Variants in CNKSR3 observed in about 807,000 individuals in gnomAD.
The protein encoded by CNKSR3 is CNKSR family member 3.
A neutral mutation model predicts 67.7 loss-of-function variants in CNKSR3; 36 were observed. The ratio of observed to expected loss-of-function variants is 0.53; its 90% CI spans 0.41 to 0.70. The LOEUF (loss-of-function observed/expected upper bound fraction) is 0.70. Among genes scored for constraint, CNKSR3 ranks in the 30% least tolerant of loss-of-function variants. The pLI, the probability that CNKSR3 is intolerant of heterozygous loss-of-function variation, is 0.00. For missense variants in CNKSR3, 630 were observed against 695.2 expected, an observed-to-expected ratio of 0.91 and a Z score of 1.05; for synonymous variants, 281 against 271.4, an observed-to-expected ratio of 1.04 and a Z score of -0.35.
At chr6:154,419,014 A>G (rs1584061169) in intron 9 of CNKSR3, among the ~76,000 whole-genome samples, 1 of 148,810 alleles carries the variant, frequency 6.7e-6, no homozygotes, top group East Asian at 2.0e-4. Flanking sequence ...AAGGACCTGA[A>G]TTGACATTAC....
rs2128709344 is a variant in CNKSR3, at chr6:154,401,660, G to GC, written c.*4693dup. On this transcript the variant is annotated 3_prime_UTR_variant, in exon 13 of 13. Coordinates refer to ENST00000607772, the MANE Select transcript of CNKSR3 (RefSeq NM_173515.4). ...CACAGAATCTCCAAGGAAGTAGCTT[G>GC]CAGTAGTCTCATCCCCACGGAAATG... 6.6e-6 allele frequency: 1 copy of GC among 152,368 alleles called. No individual in the cohort carries two copies. The highest frequency in any genetic ancestry group is 1.9e-4 in the East Asian group (1 of 5,194). 9.4% of individuals were successfully genotyped at this position (152,368 alleles called of 1,614,324 possible). A position where few individuals can be genotyped will look rare whatever the true frequency, so the allele number is the denominator to read the frequency against.
intron 1 of CNKSR3, among the ~76,000 whole-genome samples, chr6:154,452,916 G>T (rs4870289): frequency 0.3 from 45,531 of 152,154 alleles, 6,958 homozygotes; most frequent in South Asian, 0.4. Flanking sequence ...CCAAAATGGT[G>T]ATGAGATAAA....
At chr6:154,480,894 C>T (rs1582894365) in intron 1 of CNKSR3, among the ~76,000 whole-genome samples, 1 of 152,292 alleles carries the variant, frequency 6.6e-6, no homozygotes, top group East Asian at 1.9e-4. Context: ...TATTTGATAG[C>T]AGTCTTATGC....
rs1268634534 is a variant in CNKSR3 at position 154,388,160 on chromosome 6, T to C, written c.*18194A>G. On this transcript the variant is annotated 3_prime_UTR_variant, in exon 13 of 13. Coordinates refer to ENST00000607772, the MANE Select transcript of CNKSR3 (RefSeq NM_173515.4). Reference sequence around the variant, plus strand: ...TCACTGAAACTTTATGCCTATTGATTAGTAACTCCCCACTCCCCTCAGCCC... The same window carrying C: ...TCACTGAAACTTTATGCCTATTGATCAGTAACTCCCCACTCCCCTCAGCCC... The C allele has an allele frequency of 1.3e-5, 2 of 152,162 alleles. No individual in the cohort carries two copies. Among genetic ancestry groups the C allele is most frequent in the South Asian group, 4.1e-4 (2 of 4,836 alleles). 9.4% of individuals were successfully genotyped at this position (152,162 alleles called of 1,614,324 possible).
chr6:154,449,463 T>C (rs930818453), intron 2 of CNKSR3, among the ~76,000 whole-genome samples: 1 of 152,142 alleles, frequency 6.6e-6, no homozygotes, highest in African/African-American at 2.4e-5. Context: ...TCTGCGACTA[T>C]AGGTGCGTGC....
chr6:154,456,639 G>GCAGT (rs1785964692), intron 1 of CNKSR3, among the ~76,000 whole-genome samples: 3 of 143,058 alleles, frequency 2.1e-5, no homozygotes, highest in African/African-American at 7.7e-5. Context: ...CCTGGGAGAT[G>GCAGT]GAGGTTGCAG....
chr6:154,416,725 AC>A (rs1364300809), intron 9 of CNKSR3, among the ~76,000 whole-genome samples: 3 of 151,900 alleles, frequency 2.0e-5, no homozygotes, highest in Admixed American at 6.6e-5. Flanking sequence ...ACACAGAGAA[AC>A]CCCCAGGGCT....
In CNKSR3 at chr6:154,417,113, T is replaced by C. The variant is rs775118090; in HGVS notation, c.946-2690A>G. Reference sequence around the variant, plus strand: ...TCAATTATGCTCAAAATACCTAACATCTCTTCCTTCCAAATGGCCTCTTTT... The same window carrying C: ...TCAATTATGCTCAAAATACCTAACACCTCTTCCTTCCAAATGGCCTCTTTT... On this transcript the variant is annotated intron_variant, in intron 9 of 12. Coordinates refer to ENST00000607772, the MANE Select transcript of CNKSR3 (RefSeq NM_173515.4). 1.4e-3 allele frequency among the ~76,000 whole-genome samples: 211 copies of C among 152,154 alleles called. 2 individuals carry two copies. Among genetic ancestry groups the C allele is most frequent in the Non-Finnish European group, 2.7e-3 (182 of 68,024 alleles).
Position 154,422,949 on chromosome 6 carries a change from C to G in CNKSR3, c.764G>C (p.Gly255Ala), listed in dbSNP as rs1785176495. The part of the protein sequence containing the change: ...PADRSQKIHA[G>A]DEVIQVNQQT... ...CTGATTAACTTGAATGACTTCGTCA[C>G]CAGCATGAATCTTCTGAGATCTGTC... Residue 255 changes from glycine to alanine, a missense_variant, in exon 8 of 13, where the codon GGT becomes GCT. By Grantham distance (60) the Gly-to-Ala change is moderately conservative. This residue lies in a region of CNKSR3 where 133 missense variants were observed against 190.6 expected (regional missense o/e 0.70). Coordinates refer to ENST00000607772, the MANE Select transcript of CNKSR3 (RefSeq NM_173515.4). 16 of 1,613,186 alleles carry G rather than the reference C, an allele frequency of 9.9e-6. No homozygotes were observed. The highest frequency in any genetic ancestry group is 1.4e-5 in the Non-Finnish European group (16 of 1,179,410).
chr6:154,484,477 G>A (rs368032880), intron 1 of CNKSR3, among the ~76,000 whole-genome samples: 118 of 152,174 alleles, frequency 7.8e-4, no homozygotes, highest in Non-Finnish European at 1.4e-3. Context: ...AGGCCAAGGC[G>A]GGCAGATCAC....
At chr6:154,417,333 T>C (rs1487059386) in intron 9 of CNKSR3, among the ~76,000 whole-genome samples, 1 of 152,198 alleles carries the variant, frequency 6.6e-6, no homozygotes, top group African/African-American at 2.4e-5. Flanking sequence ...GTGGCAGAGC[T>C]GGGATCTGAA....
At position 154,397,588 on chromosome 6, in the gene CNKSR3, A is replaced by G. The variant is rs1317464103; in HGVS notation, c.*8766T>C. On this transcript the variant is annotated 3_prime_UTR_variant, in exon 13 of 13. Coordinates refer to ENST00000607772, the MANE Select transcript of CNKSR3 (RefSeq NM_173515.4). Reference sequence around the variant, plus strand: ...TGGCAGGCCCTGGAAATAGATGGGTAAGAGCAAATCTGTGGTCATCAACTA... The same window carrying G: ...TGGCAGGCCCTGGAAATAGATGGGTGAGAGCAAATCTGTGGTCATCAACTA... 1 of 152,252 alleles carries G rather than the reference A, an allele frequency of 6.6e-6. No individual in the cohort carries two copies. Among genetic ancestry groups the G allele is most frequent in the Non-Finnish European group, 1.5e-5 (1 of 68,048 alleles). The allele number at this position is 152,252 out of a possible 1,614,324, so 9.4% of individuals were successfully genotyped here. A position where few individuals can be genotyped will look rare whatever the true frequency, so the allele number is the denominator to read the frequency against.
intron 1 of CNKSR3, among the ~76,000 whole-genome samples, chr6:154,477,527 G>T (rs1177445384): frequency 6.6e-6 from 1 of 151,456 alleles, no homozygotes; most frequent in Admixed American, 6.6e-5. Context: ...CACCATATTG[G>T]TCAGGCTGGT....
At chr6:154,412,679 G>A (rs1484024500) in intron 10 of CNKSR3, among the ~76,000 whole-genome samples, 2 of 152,090 alleles carry the variant, frequency 1.3e-5, no homozygotes, top group African/African-American at 4.8e-5. Flanking sequence ...TCAAGGAAAT[G>A]GAAAACAATG....
At chr6:154,470,558 C>T (rs1786307359) in intron 1 of CNKSR3, among the ~76,000 whole-genome samples, 2 of 152,114 alleles carry the variant, frequency 1.3e-5, no homozygotes, top group South Asian at 4.1e-4. Flanking sequence ...TTATCTTTGT[C>T]TTATTTCATA....
At chr6:154,503,179 C>G (rs1041235909) in intron 1 of CNKSR3, among the ~76,000 whole-genome samples, 10 of 152,182 alleles carry the variant, frequency 6.6e-5, no homozygotes, top group Non-Finnish European at 1.0e-4. Flanking sequence ...CCCGTGTGGT[C>G]ACCAACTATA....
chr6:154,480,809 A>G (rs1786550367), intron 1 of CNKSR3, among the ~76,000 whole-genome samples: 1 of 152,222 alleles, frequency 6.6e-6, no homozygotes, highest in Non-Finnish European at 1.5e-5. Context: ...ATATCTCGCA[A>G]TTACTATTTC....
intron 1 of CNKSR3, among the ~76,000 whole-genome samples, chr6:154,477,489 T>C (rs78963870): frequency 7.0e-6 from 1 of 143,690 alleles, no homozygotes; most frequent in South Asian, 2.2e-4. Context: ...TTTTTTTTTT[T>C]TCTGTATTTT....
At position 154,471,515 on chromosome 6, in the gene CNKSR3, C is replaced by T. The variant is rs140050653; in HGVS notation, c.53-21257G>A. On this transcript the variant is annotated intron_variant, in intron 1 of 12. Coordinates refer to ENST00000607772, the MANE Select transcript of CNKSR3 (RefSeq NM_173515.4). ...AGATCGCATCATTGCACTCCAGCCA[C>T]GGCAACAAAGCAAGACTCCCTCTCA... is the stretch of plus-strand genomic sequence containing the variant. Among the ~76,000 whole-genome samples the T allele has an allele frequency of 2.0e-5, 3 of 152,026 alleles. No homozygotes were observed. In the East Asian group the frequency reaches 5.8e-4, roughly 29 times the overall value.
Sources: allele counts gnomAD v4.1 joint callset (sites outside exome capture counted in the v4.1 genomes callset), GRCh38; gene constraint gnomAD v4.1.1; regional missense constraint gnomAD v4.1.1; transcripts MANE v1.5; gene names NCBI Gene and HGNC (gene_info 2026-07-23, HGNC 2026-07-21).